Variants in TRHDE observed in about 807,000 individuals in gnomAD.
TRHDE encodes thyrotropin releasing hormone degrading enzyme.
A neutral mutation model predicts 125.7 loss-of-function variants in TRHDE; 72 were observed. The observed-to-expected ratio is 0.57, with a 90% CI of 0.47 to 0.70. The LOEUF (loss-of-function observed/expected upper bound fraction) is 0.70, where lower values mean the gene tolerates loss of function less well. TRHDE is among the 30% of genes least tolerant of loss of function. The pLI is 0.00. For synonymous variants in TRHDE, 509 were observed against 509.1 expected (o/e 1.00, Z 0.00); for missense variants, 1,110 against 1,327.1 (o/e 0.84, Z 2.54).
chr12:72,228,068 T>A (rs969774913), intron 2 of TRHDE, among the ~76,000 whole-genome samples: 1 of 152,134 alleles, frequency 6.6e-6, no homozygotes, highest in African/African-American at 2.4e-5. Context: ...GATCTACCAT[T>A]CTGGTGTCTG....
At chr12:72,536,139 T>G (rs1393443449) in intron 6 of TRHDE, among the ~76,000 whole-genome samples, 2 of 152,142 alleles carry the variant, frequency 1.3e-5, no homozygotes, top group African/African-American at 2.4e-5. Context: ...GCCAAAGATT[T>G]CCTGAAAGGA....
At chr12:72,217,016 G>A (rs1386563600) in intron 2 of TRHDE, among the ~76,000 whole-genome samples, 1 of 151,034 alleles carries the variant, frequency 6.6e-6, no homozygotes, top group East Asian at 1.9e-4. Flanking sequence ...GTTTATATGA[G>A]CAATTATAGT....
chr12:72,453,263 T>C (rs1875669395), intron 3 of TRHDE, among the ~76,000 whole-genome samples: 1 of 152,202 alleles, frequency 6.6e-6, no homozygotes. Context: ...CAAAGGTCAC[T>C]TATGTTTTGC....
chr12:72,155,635 A>G (rs1015707680), intron 2 of TRHDE, among the ~76,000 whole-genome samples: 5 of 152,118 alleles, frequency 3.3e-5, no homozygotes, highest in African/African-American at 1.2e-4. Flanking sequence ...CTGCAGGTGT[A>G]TTGGAGTTTG....
intron 2 of TRHDE, among the ~76,000 whole-genome samples, chr12:72,366,466 C>T (rs1043460753): frequency 4.6e-5 from 7 of 152,036 alleles, no homozygotes; most frequent in South Asian, 2.1e-4. Context: ...ATTATAGCAG[C>T]GTTTTAGTAC....
intron 12 of TRHDE, among the ~76,000 whole-genome samples, chr12:72,609,723 T>C (rs1872568999): frequency 6.6e-6 from 1 of 152,192 alleles, no homozygotes; most frequent in Admixed American, 6.5e-5. Context: ...TTAAGTTGTT[T>C]GGTTTGAGTG....
At chr12:72,314,712 TA>T (rs921255263) in intron 2 of TRHDE, among the ~76,000 whole-genome samples, 82 of 149,574 alleles carry the variant, frequency 5.5e-4, no homozygotes, top group African/African-American at 1.7e-3. Flanking sequence ...GGCAAGTGGA[TA>T]AAAAAAAAAT....
At chr12:72,322,880 C>A (rs1869162156) in intron 2 of TRHDE, among the ~76,000 whole-genome samples, 1 of 152,082 alleles carries the variant, frequency 6.6e-6, no homozygotes, top group Non-Finnish European at 1.5e-5. Context: ...GTGCAGAAGC[C>A]TGGCTGGGGA....
chr12:72,576,401 GA>G (rs1592548429), intron 12 of TRHDE, among the ~76,000 whole-genome samples: 1 of 151,978 alleles, frequency 6.6e-6, no homozygotes. Flanking sequence ...CATGGGACCT[GA>G]AACTGCTTTT....
intron 2 of TRHDE, among the ~76,000 whole-genome samples, chr12:72,146,351 A>G (rs1876226910): frequency 6.6e-6 from 1 of 152,162 alleles, no homozygotes; most frequent in African/African-American, 2.4e-5. Context: ...CCAAGTATGT[A>G]ATGTCCAGTC....
chr12:72,348,447 T>C (rs538559054), intron 2 of TRHDE, among the ~76,000 whole-genome samples: 1 of 152,154 alleles, frequency 6.6e-6, no homozygotes, highest in East Asian at 1.9e-4. Flanking sequence ...TCTTGCTATT[T>C]GAGCAACTCT....
Position 72,621,786 on chromosome 12 carries a change from T to C in TRHDE, c.2675+35T>C, listed in dbSNP as rs751934577. 9.6e-6 allele frequency: 14 copies of C among 1,465,582 alleles called. No individual in the cohort carries two copies. The East Asian group carries it at 2.3e-4, about 24-fold the overall frequency. The allele number at this position is 1,465,582 out of a possible 1,614,324, so 90.8% of individuals were successfully genotyped here. On this transcript the variant is annotated intron_variant, in intron 15 of 18. Coordinates refer to ENST00000261180, the MANE Select transcript of TRHDE (RefSeq NM_013381.3). ...GCCAAATCCTGTATTTCTGATATTA[T>C]TTAATAGTGCTTTCAGAGTCTCAGT...
chr12:72,128,887 A>T (rs960909180), intron 2 of TRHDE, among the ~76,000 whole-genome samples: 3 of 152,182 alleles, frequency 2.0e-5, no homozygotes, highest in Non-Finnish European at 2.9e-5. Context: ...AGTGGCTGAA[A>T]AATTTCCAAA....
At chr12:72,404,021 C>G (rs775083168) in intron 3 of TRHDE, among the ~76,000 whole-genome samples, 1 of 151,998 alleles carries the variant, frequency 6.6e-6, no homozygotes, top group Non-Finnish European at 1.5e-5. Flanking sequence ...ATCTTTGCCT[C>G]TGTGTGTGTG....
At chr12:72,204,195 A>C (rs1877618944) in intron 2 of TRHDE, among the ~76,000 whole-genome samples, 1 of 152,162 alleles carries the variant, frequency 6.6e-6, no homozygotes, top group South Asian at 2.1e-4. Flanking sequence ...CTTTTCTAGC[A>C]AAGTAGCCAT....
At chr12:72,180,824 C>T (rs1877082504) in intron 2 of TRHDE, among the ~76,000 whole-genome samples, 9 of 152,168 alleles carry the variant, frequency 5.9e-5, no homozygotes, top group Admixed American at 2.0e-4. Context: ...ATGTACCTGG[C>T]AGAGCCACGA....
chr12:72,102,577 G>T (rs867171590), intron 1 of TRHDE, among the ~76,000 whole-genome samples: 3 of 152,268 alleles, frequency 2.0e-5, no homozygotes, highest in Middle Eastern at 3.4e-3. Context: ...TAGTTCAGCT[G>T]ATAATAGCCA....
chr12:72,090,215 T>C (rs983709083), intron 1 of TRHDE, among the ~76,000 whole-genome samples: 3 of 152,182 alleles, frequency 2.0e-5, no homozygotes, highest in African/African-American at 7.2e-5. Flanking sequence ...AGGTAATAAT[T>C]TACCCAGAGA....
intron 6 of TRHDE, among the ~76,000 whole-genome samples, chr12:72,541,209 G>A (rs1405827899): frequency 6.6e-6 from 1 of 151,656 alleles, no homozygotes; most frequent in Non-Finnish European, 1.5e-5. Flanking sequence ...AAAGCAATTT[G>A]TAACCCCGAA....
Sources: allele counts gnomAD v4.1 joint callset (sites outside exome capture counted in the v4.1 genomes callset), GRCh38; gene constraint gnomAD v4.1.1; transcripts MANE v1.5; gene names NCBI Gene and HGNC (gene_info 2026-07-23, HGNC 2026-07-21).